ITGB5: variants seen among roughly 807,000 people sequenced by gnomAD.
ITGB5 encodes the protein integrin beta-5.
A neutral mutation model predicts 84.8 loss-of-function variants in ITGB5; 38 were observed. The observed-to-expected ratio is 0.45, with a 90% CI of 0.35 to 0.59. The LOEUF (loss-of-function observed/expected upper bound fraction) is 0.59, where lower values mean the gene tolerates loss of function less well. Ranked by LOEUF, ITGB5 falls within the 20% of genes least tolerant of loss-of-function variation. The pLI is 0.01. For missense variants in ITGB5, 905 were observed against 1,034.5 expected, an observed-to-expected ratio of 0.87 and a Z score of 1.72; for synonymous variants, 393 against 414.4, an observed-to-expected ratio of 0.95 and a Z score of 0.63.
Position 124,766,260 on chromosome 3 carries a change from A to T in ITGB5, c.2103T>A (p.Ser701Arg). 4.3e-6 allele frequency: 7 copies of T among 1,613,982 alleles called. No individual in the cohort carries two copies. The highest frequency in any genetic ancestry group is 5.9e-6 in the Non-Finnish European group (7 of 1,179,966). Reference protein sequence around the residue: ...VMMFTYVELPSGKSNLTVLRE... With the variant: ...VMMFTYVELPRGKSNLTVLRE... ...TGAGGACGGTCAGGTTGGACTTCCC[A>T]CTGGGGAGCTCCACATAGGTGAACA... Residue 701 changes from serine to arginine, a missense_variant, in exon 13 of 15, where the codon AGT becomes AGA. Around this residue, in one of 3 missense-constraint regions of ITGB5, gnomAD observed 116 missense variants for 177.0 expected, o/e 0.66. Coordinates refer to ENST00000296181, the MANE Select transcript of ITGB5 (RefSeq NM_002213.5).
chr3:124,839,222 T>C (rs2064979703), intron 5 of ITGB5, among the ~76,000 whole-genome samples: 1 of 152,194 alleles, frequency 6.6e-6, no homozygotes, highest in South Asian at 2.1e-4. Flanking sequence ...TTTCAACAGG[T>C]ATAAGCCTGA....
intron 1 of ITGB5, among the ~76,000 whole-genome samples, chr3:124,899,051 G>A (rs576408480): frequency 6.6e-6 from 1 of 151,474 alleles, no homozygotes; most frequent in South Asian, 2.1e-4. Flanking sequence ...TTCCAGCCTG[G>A]GTGATAAGAG....
At chr3:124,803,493 T>A (rs1028169088) in intron 9 of ITGB5, among the ~76,000 whole-genome samples, 1 of 152,194 alleles carries the variant, frequency 6.6e-6, no homozygotes, top group Non-Finnish European at 1.5e-5. Flanking sequence ...GCACATTGGA[T>A]GTCCCCATTC....
intron 3 of ITGB5, among the ~76,000 whole-genome samples, chr3:124,851,154 A>C (rs1203604476): frequency 1.3e-5 from 2 of 152,214 alleles, no homozygotes; most frequent in African/African-American, 2.4e-5. Flanking sequence ...GGAGGCTGAG[A>C]GGCATCTATG....
intron 1 of ITGB5, among the ~76,000 whole-genome samples, chr3:124,884,083 G>T (rs1934695841): frequency 6.6e-6 from 1 of 152,026 alleles, no homozygotes; most frequent in Non-Finnish European, 1.5e-5. Context: ...GGCCCTGAGG[G>T]TCATCTCTTT....
intron 10 of ITGB5, among the ~76,000 whole-genome samples, chr3:124,784,255 G>A (rs2064048300): frequency 6.6e-6 from 1 of 152,186 alleles, no homozygotes; most frequent in African/African-American, 2.4e-5. Context: ...GCTTATGCCT[G>A]TAATCCCAGC....
chr3:124,887,733 C>G (rs1437055589), upstream of ITGB5: 5 of 450,868 alleles, frequency 1.1e-5, no homozygotes, highest in South Asian at 7.8e-5. Context: ...GGTTGCTAGA[C>G]TGCGAGAGGG....
intron 5 of ITGB5, among the ~76,000 whole-genome samples, chr3:124,841,007 C>G (rs1257490189): frequency 6.6e-6 from 1 of 152,238 alleles, no homozygotes; most frequent in Non-Finnish European, 1.5e-5. Flanking sequence ...AGAGCAATCT[C>G]TAAGGTTTGC....
chr3:124,838,612 T>G (rs1295970833), intron 5 of ITGB5, among the ~76,000 whole-genome samples: 1 of 152,180 alleles, frequency 6.6e-6, no homozygotes, highest in Non-Finnish European at 1.5e-5. Context: ...TAAAATTTTT[T>G]TTTTTTTGAG....
At chr3:124,782,455 T>C (rs769879949) in intron 10 of ITGB5, among the ~76,000 whole-genome samples, 1 of 152,196 alleles carries the variant, frequency 6.6e-6, no homozygotes, top group Non-Finnish European at 1.5e-5. Context: ...ACTGGGGACA[T>C]GGGAAGACTA....
chr3:124,807,688 G>C (rs1476683052), intron 9 of ITGB5, among the ~76,000 whole-genome samples: 1 of 151,870 alleles, frequency 6.6e-6, no homozygotes, highest in Non-Finnish European at 1.5e-5. Flanking sequence ...GCTCATGCCT[G>C]TAATCCCAGC....
At chr3:124,888,502 G>C (rs1244249050), upstream of ITGB5, among the ~76,000 whole-genome samples, 1 of 152,142 alleles carries the variant, frequency 6.6e-6, no homozygotes, top group Non-Finnish European at 1.5e-5. Context: ...CAAGAGAAGA[G>C]GCGACATTCA....
chr3:124,810,392 G>A (rs1490345423), intron 8 of ITGB5, among the ~76,000 whole-genome samples: 1 of 152,048 alleles, frequency 6.6e-6, no homozygotes, highest in Non-Finnish European at 1.5e-5. Flanking sequence ...CCTTGGTGCT[G>A]GATACTCAGG....
chr3:124,826,776 C>G (rs2064790075), intron 5 of ITGB5, among the ~76,000 whole-genome samples: 1 of 152,212 alleles, frequency 6.6e-6, no homozygotes, highest in Non-Finnish European at 1.5e-5. Flanking sequence ...AAGGTTGCAT[C>G]TAAAATGGAA....
rs2064665721 is a variant in ITGB5 at position 124,819,592 on chromosome 3, T to G, written c.1038+147A>C. On this transcript the variant is annotated intron_variant, in intron 7 of 14. Transcript: ENST00000296181. ...TATTCACTGCTATGCGAATGCTTAA[T>G]TGTTTCCTCCTATTATTTTCCATTA... 11 of 658,086 alleles carry G rather than the reference T, an allele frequency of 1.7e-5. No individual in the cohort carries two copies. In the South Asian group the frequency reaches 2.0e-4, roughly 12 times the overall value. 40.8% of individuals were successfully genotyped at this position (658,086 alleles called of 1,614,324 possible).
intron 10 of ITGB5, among the ~76,000 whole-genome samples, chr3:124,782,510 G>A (rs11708070): frequency 0.013 from 2,001 of 152,358 alleles, 34 homozygotes; most frequent in South Asian, 0.044. Context: ...ACTGAGTTAA[G>A]GACTGAGAGG....
At chr3:124,861,460 T>C (rs904578054) in intron 2 of ITGB5, among the ~76,000 whole-genome samples, 6 of 140,152 alleles carry the variant, frequency 4.3e-5, no homozygotes, top group African/African-American at 1.6e-4. Flanking sequence ...AGTGAGACTT[T>C]GTTAAAAAAA....
chr3:124,842,983 T>C (rs1484839056), intron 4 of ITGB5, among the ~76,000 whole-genome samples: 1 of 152,130 alleles, frequency 6.6e-6, no homozygotes, highest in Non-Finnish European at 1.5e-5. Flanking sequence ...ACTCCTGTGA[T>C]AGTCGCGCTC....
chr3:124,772,437 G>A (rs1480266880), intron 11 of ITGB5, among the ~76,000 whole-genome samples: 3 of 152,148 alleles, frequency 2.0e-5, no homozygotes, highest in African/African-American at 4.8e-5. Flanking sequence ...GCAGGCGCAG[G>A]GAGCATGAAC....
Sources: gnomAD v4.1 joint callset for allele counts (sites outside exome capture counted in the v4.1 genomes callset) on GRCh38, gnomAD v4.1.1 for gene constraint, gnomAD v4.1.1 regional missense constraint, MANE v1.5 for transcripts, NCBI Gene and HGNC (gene_info 2026-07-23, HGNC 2026-07-21) for gene names.